CLASP1: variants seen among roughly 807,000 people sequenced by gnomAD.
CLASP1 encodes the protein cytoplasmic linker associated protein 1.
A neutral mutation model predicts 192.3 loss-of-function variants in CLASP1; 38 were observed. The observed-to-expected ratio is 0.20, with a 90% CI of 0.15 to 0.26. The LOEUF is 0.26. Among genes scored for constraint, CLASP1 ranks in the 10% least tolerant of loss-of-function variants. CLASP1 has a pLI of 1.00. For missense variants in CLASP1, 1,433 were observed against 1,932.5 expected (o/e 0.74, Z 4.85); for synonymous variants, 691 against 712.8 (o/e 0.97, Z 0.49).
intron 2 of CLASP1, chr2:121,530,780 G>C (rs1306617134): frequency 8.8e-6 from 5 of 570,276 alleles, no homozygotes; most frequent in Admixed American, 2.9e-5. Context: ...CTGGAGGTAA[G>C]CTAGCTACCA....
chr2:121,633,028 A>ATATATATATATATATATATATAT (rs71398039), intron 1 of CLASP1, among the ~76,000 whole-genome samples: 14 of 137,540 alleles, frequency 1.0e-4, no homozygotes, highest in African/African-American at 2.3e-4. Context: ...ATATATATAT[A>ATATATATATATATATATATATAT]GGCTTTTTTT....
At chr2:121,500,115 T>C (rs1000963546) in intron 8 of CLASP1, among the ~76,000 whole-genome samples, 5 of 152,020 alleles carry the variant, frequency 3.3e-5, no homozygotes, top group Admixed American at 6.6e-5. Context: ...CTACAACTAA[T>C]AAGTTCAGAA....
At chr2:121,630,778 C>T (rs1278113667) in intron 1 of CLASP1, among the ~76,000 whole-genome samples, 3 of 149,916 alleles carry the variant, frequency 2.0e-5, no homozygotes, top group South Asian at 2.1e-4. Context: ...GCAGGAGAAT[C>T]GCTTGAACCC....
chr2:121,450,122 G>A (rs1196715932), intron 16 of CLASP1, among the ~76,000 whole-genome samples: 1 of 152,114 alleles, frequency 6.6e-6, no homozygotes, highest in African/African-American at 2.4e-5. Flanking sequence ...ACGAGGTCAG[G>A]AGATCGAGAC....
At chr2:121,383,954 T>C (rs1356687097) in intron 32 of CLASP1, among the ~76,000 whole-genome samples, 1 of 148,984 alleles carries the variant, frequency 6.7e-6, no homozygotes, top group African/African-American at 2.5e-5. Context: ...CTACTACTAC[T>C]GGGTTGATAA....
intron 1 of CLASP1, among the ~76,000 whole-genome samples, chr2:121,631,288 T>A (rs1282792019): frequency 1.6e-5 from 2 of 123,686 alleles, no homozygotes; most frequent in East Asian, 5.9e-4. Context: ...TTAAAATTAC[T>A]TTTTTTTTTT....
intron 8 of CLASP1, among the ~76,000 whole-genome samples, chr2:121,502,153 G>A (rs543403959): frequency 1.3e-5 from 2 of 152,146 alleles, no homozygotes; most frequent in Admixed American, 1.3e-4. Flanking sequence ...TACAGGAACT[G>A]GCAACAATAG....
chr2:121,556,521 T>C (rs572342090), intron 2 of CLASP1, among the ~76,000 whole-genome samples: 170 of 152,194 alleles, frequency 1.1e-3, no homozygotes, highest in Non-Finnish European at 2.0e-3. Flanking sequence ...GGGTGCTCTG[T>C]ATGCCTGCAA....
intron 2 of CLASP1, among the ~76,000 whole-genome samples, chr2:121,537,797 A>T (rs2095129808): frequency 6.6e-6 from 1 of 152,226 alleles, no homozygotes; most frequent in African/African-American, 2.4e-5. Flanking sequence ...CTGGTTTAAC[A>T]ATAAATCATT....
In CLASP1 at chr2:121,561,158, CG is replaced by C. The variant is rs1212116551; in HGVS notation, c.196-30834del. Among the ~76,000 whole-genome samples the C allele has an allele frequency of 1.3e-5, 2 of 152,224 alleles. 1 individual carries two copies. The highest frequency in any genetic ancestry group is 1.3e-4 in the Admixed American group (2 of 15,290). On this transcript the variant is annotated intron_variant, in intron 2 of 39. Transcript: ENST00000263710. ...CTGGCCTCAGGTGATCCAACCACCT[CG>C]GCCTCCCAAAGTGCTGGGATTACAG... is the stretch of plus-strand genomic sequence containing the variant.
chr2:121,444,714 C>A (rs1455173940), intron 19 of CLASP1, among the ~76,000 whole-genome samples: 3 of 152,086 alleles, frequency 2.0e-5, no homozygotes, highest in African/African-American at 7.2e-5. Flanking sequence ...TACTTTAGTG[C>A]TAAAATTCAC....
chr2:121,439,848 A>G (rs1291003013), intron 19 of CLASP1, among the ~76,000 whole-genome samples: 2 of 148,438 alleles, frequency 1.3e-5, no homozygotes, highest in Non-Finnish European at 3.0e-5. Context: ...AAAGCCAAAC[A>G]CTGCATATTC....
At chr2:121,483,526 G>A (rs1252467970) in intron 8 of CLASP1, among the ~76,000 whole-genome samples, 1 of 151,094 alleles carries the variant, frequency 6.6e-6, no homozygotes, top group Non-Finnish European at 1.5e-5. Context: ...ATATGTGTGT[G>A]TATATATATG....
In CLASP1 at chr2:121,394,606, G is replaced by A. The variant is rs1574268434; in HGVS notation, c.3123+2534C>T. Among the ~76,000 whole-genome samples the A allele has an allele frequency of 2.0e-5, 3 of 152,326 alleles. No homozygotes were observed. In the South Asian group the frequency reaches 6.2e-4, roughly 32 times the overall value. Reference sequence around the variant, plus strand: ...CCTTTTATTAAAAAATCTTGGCTGGGCGCAGTGGCTCACGCCTGTAATCCC... The same window carrying A: ...CCTTTTATTAAAAAATCTTGGCTGGACGCAGTGGCTCACGCCTGTAATCCC... On this transcript the variant is annotated intron_variant, in intron 30 of 39. Transcript: ENST00000263710.
intron 2 of CLASP1, among the ~76,000 whole-genome samples, chr2:121,534,991 A>G (rs1304784814): frequency 6.6e-6 from 1 of 152,078 alleles, no homozygotes; most frequent in Non-Finnish European, 1.5e-5. Context: ...AGTCAGGCCG[A>G]GTGTGGTGTC....
chr2:121,555,966 G>A (rs983706581), intron 2 of CLASP1, among the ~76,000 whole-genome samples: 8 of 143,538 alleles, frequency 5.6e-5, no homozygotes, highest in Admixed American at 2.1e-4. Context: ...TGTGAGCCAC[G>A]GCGCCTGCCC....
intron 19 of CLASP1, among the ~76,000 whole-genome samples, chr2:121,438,725 G>A (rs989643483): frequency 7.9e-5 from 12 of 151,836 alleles, no homozygotes; most frequent in African/African-American, 2.2e-4. Context: ...TGCTGGATTC[G>A]TTTTGCCAGT....
chr2:121,594,487 G>T (rs1322251552), intron 2 of CLASP1, among the ~76,000 whole-genome samples: 2 of 150,854 alleles, frequency 1.3e-5, no homozygotes, highest in African/African-American at 4.9e-5. Flanking sequence ...CCGCCTCCCG[G>T]GTTCACACCA....
At chr2:121,598,489 T>C (rs1287424159) in intron 2 of CLASP1, among the ~76,000 whole-genome samples, 1 of 152,356 alleles carries the variant, frequency 6.6e-6, no homozygotes, top group East Asian at 1.9e-4. Context: ...AAAGAGCATA[T>C]GGTCTCACAA....
Sources: allele counts gnomAD v4.1 joint callset (sites outside exome capture counted in the v4.1 genomes callset), GRCh38; gene constraint gnomAD v4.1.1; transcripts MANE v1.5; gene names NCBI Gene and HGNC (gene_info 2026-07-23, HGNC 2026-07-21).